RANBP2: variants seen among roughly 807,000 people sequenced by gnomAD.
RANBP2 encodes the protein RAN binding protein 2.
Under a neutral mutation model 303.6 loss-of-function variants are expected in RANBP2, and 57 were observed. The observed-to-expected ratio is 0.19, with a 90% CI of 0.15 to 0.23. The LOEUF (loss-of-function observed/expected upper bound fraction) is 0.23. RANBP2 is among the 10% of genes least tolerant of loss of function. The pLI, the probability that RANBP2 is intolerant of heterozygous loss-of-function variation, is 1.00. For synonymous variants in RANBP2, 1,167 were observed against 1,301.5 expected, an observed-to-expected ratio of 0.90 and a Z score of 2.23; for missense variants, 3,138 against 3,780.8, an observed-to-expected ratio of 0.83 and a Z score of 4.46.
rs749745948 is a variant in RANBP2, at chr2:108,765,026, C to G, written c.4487C>G (p.Ser1496Cys). Residue 1496 changes from serine to cysteine, a missense_variant, in exon 20 of 29, where the codon TCT becomes TGT. By Grantham distance (112) the Ser-to-Cys change is moderately radical (BLOSUM62 -1). Around this residue, in one of 20 missense-constraint regions of RANBP2, gnomAD observed 388 missense variants for 328.5 expected, o/e 1.18. Transcript: ENST00000283195. ...SACLVQNEGS[S>C]TKCAACQNPR... ...TGTTTGGTACAAAATGAGGGGAGCT[C>G]TACAAAATGTGCTGCTTGTCAGAAT... is the stretch of plus-strand genomic sequence containing the variant. The G allele has an allele frequency of 4.3e-6, 7 of 1,613,936 alleles. No individual in the cohort carries two copies. The highest frequency in any genetic ancestry group is 2.7e-5 in the African/African-American group (2 of 75,008).
rs1207229576 is a variant in RANBP2 at position 108,719,569 on chromosome 2, C to G, written c.-38C>G. 3.8e-6 allele frequency: 6 copies of G among 1,585,736 alleles called. No homozygotes were observed. In the African/African-American group the frequency reaches 5.4e-5, roughly 14 times the overall value. On this transcript the variant is annotated 5_prime_UTR_variant, in exon 1 of 29. Coordinates refer to ENST00000283195, the MANE Select transcript of RANBP2 (RefSeq NM_006267.5). The stretch of plus-strand genomic sequence containing the variant: ...GTGGCGACTGCTGCGGGCCTGAGCG[C>G]TGGTCTCACGCGCCTCGGGAGCCAG...
chr2:108,866,271 G>T, the RANBP2 span, among the ~76,000 whole-genome samples: 4 of 152,278 alleles, frequency 2.6e-5, no homozygotes, highest in Admixed American at 2.6e-4. Flanking sequence ...ACTTGTGATT[G>T]TAGTTAGACC....
the RANBP2 span, chr2:108,873,349 A>G: frequency 2.8e-6 from 3 of 1,073,346 alleles, no homozygotes; most frequent in Non-Finnish European, 3.7e-6. Context: ...GAAAATCTAA[A>G]TGAATATTTA....
At chr2:109,340,744 A>T in the RANBP2 span, among the ~76,000 whole-genome samples, 1 of 152,196 alleles carries the variant, frequency 6.6e-6, no homozygotes, top group Admixed American at 6.5e-5. Context: ...CATACTAAGA[A>T]GCACGGAAGG....
At chr2:109,350,491 T>TCCTATG in the RANBP2 span, among the ~76,000 whole-genome samples, 1 of 152,182 alleles carries the variant, frequency 6.6e-6, no homozygotes, top group Non-Finnish European at 1.5e-5. Context: ...CCTGCCATGC[T>TCCTATG]CCTATGCCCA....
chr2:109,398,542 A>G, the RANBP2 span: 29 of 1,473,508 alleles, frequency 2.0e-5, no homozygotes, highest in African/African-American at 3.9e-4. Context: ...CTGGTGTGGC[A>G]TGTGACCATG....
At chr2:109,763,439 T>C in the RANBP2 span, among the ~76,000 whole-genome samples, 3 of 150,300 alleles carry the variant, frequency 2.0e-5, no homozygotes, top group South Asian at 4.4e-4. Context: ...GTGATCTGAC[T>C]TCAAATCCAG....
chr2:109,231,333 T>C, the RANBP2 span, among the ~76,000 whole-genome samples: 687 of 152,338 alleles, frequency 4.5e-3, 5 homozygotes, highest in Non-Finnish European at 6.0e-3. Flanking sequence ...ACAAGTGTGT[T>C]ACAATAAAAA....
the RANBP2 span, among the ~76,000 whole-genome samples, chr2:108,977,108 G>C: frequency 6.6e-6 from 1 of 152,066 alleles, no homozygotes; most frequent in African/African-American, 2.4e-5. Context: ...AGGAGGCACT[G>C]ATGATTCCAG....
the RANBP2 span, among the ~76,000 whole-genome samples, chr2:109,197,702 G>A: frequency 6.6e-6 from 1 of 152,360 alleles, no homozygotes; most frequent in South Asian, 2.1e-4. Flanking sequence ...GGGCCCAGTA[G>A]GGCCGGGTGT....
the RANBP2 span, among the ~76,000 whole-genome samples, chr2:109,739,706 G>A: frequency 2.0e-5 from 3 of 151,900 alleles, no homozygotes; most frequent in Admixed American, 6.6e-5. Flanking sequence ...CAATTTTGAT[G>A]TCCTTTATCT....
At chr2:109,430,029 A>G in the RANBP2 span, among the ~76,000 whole-genome samples, 2 of 152,210 alleles carry the variant, frequency 1.3e-5, no homozygotes, top group Non-Finnish European at 2.9e-5. Flanking sequence ...CTACCAGCCC[A>G]GGAGCAGGAG....
At chr2:109,565,398 G>A in the RANBP2 span, among the ~76,000 whole-genome samples, 4 of 152,010 alleles carry the variant, frequency 2.6e-5, no homozygotes, top group Non-Finnish European at 4.4e-5. Flanking sequence ...GGAAATAGCC[G>A]GCAATACTTT....
At chr2:109,208,789 A>T in the RANBP2 span, among the ~76,000 whole-genome samples, 1 of 152,196 alleles carries the variant, frequency 6.6e-6, no homozygotes, top group African/African-American at 2.4e-5. Flanking sequence ...CTAGAAATAC[A>T]TGTGTTGAGC....
the RANBP2 span, chr2:109,543,557 T>C: frequency 6.6e-6 from 1 of 152,172 alleles, no homozygotes; most frequent in Non-Finnish European, 1.5e-5. Context: ...AGCTCCATAA[T>C]ACATCCCAAA....
At chr2:109,509,727 G>C in the RANBP2 span, among the ~76,000 whole-genome samples, 1 of 151,908 alleles carries the variant, frequency 6.6e-6, no homozygotes, top group African/African-American at 2.4e-5. Context: ...AAGGACACCA[G>C]TCAGGCCAGA....
chr2:109,271,247 C>T, the RANBP2 span, among the ~76,000 whole-genome samples: 30 of 152,114 alleles, frequency 2.0e-4, no homozygotes, highest in African/African-American at 6.8e-4. Context: ...ATGAATTGCT[C>T]CAGAAAAGCC....
chr2:109,671,280 T>G, the RANBP2 span, among the ~76,000 whole-genome samples: 1 of 151,214 alleles, frequency 6.6e-6, no homozygotes, highest in Admixed American at 6.6e-5. Flanking sequence ...TGGTAGGAGG[T>G]GGCCAGCTGC....
At chr2:108,823,269 A>G in the RANBP2 span, among the ~76,000 whole-genome samples, 1 of 152,232 alleles carries the variant, frequency 6.6e-6, no homozygotes, top group South Asian at 2.1e-4. Flanking sequence ...AAAGGGAGGT[A>G]ACACTTCCAC....
Sources: allele counts gnomAD v4.1 joint callset (sites outside exome capture counted in the v4.1 genomes callset), GRCh38; gene constraint gnomAD v4.1.1; regional missense constraint gnomAD v4.1.1; transcripts MANE v1.5; gene names NCBI Gene and HGNC (gene_info 2026-07-23, HGNC 2026-07-21).